Variants in C10orf105 observed in about 807,000 individuals in gnomAD.
The protein encoded by C10orf105 is uncharacterized protein C10orf105.
A neutral mutation model predicts 0.6 loss-of-function variants in C10orf105; 2 were observed. That is an observed-to-expected ratio of 3.18 (90% CI 1.30 to 10.01). The LOEUF is 10.01. C10orf105 is among the 30% of genes most tolerant of loss of function. The probability of loss-of-function intolerance (pLI) is 0.04; values close to 1 mark genes in which losing one functional copy is unlikely to be tolerated. For synonymous variants in C10orf105, 95 were observed against 82.4 expected (o/e 1.15, Z -0.83); for missense variants, 209 against 191.4 (o/e 1.09, Z -0.54).
chr10:71,732,488 C>G (rs1372817313), intron 1 of C10orf105: 2 of 1,453,938 alleles, frequency 1.4e-6, no homozygotes, highest in Non-Finnish European at 1.9e-6. Flanking sequence ...TTGAGATGGC[C>G]AAGTGTGGTG....
At chr10:71,729,770 G>T (rs1320901813) in intron 1 of C10orf105, among the ~76,000 whole-genome samples, 4 of 152,052 alleles carry the variant, frequency 2.6e-5, no homozygotes, top group African/African-American at 9.7e-5. Context: ...ACTTTTGCAG[G>T]CCCTGGCTCA....
intron 1 of C10orf105, among the ~76,000 whole-genome samples, chr10:71,728,556 G>A (rs935537189): frequency 3.3e-5 from 5 of 152,204 alleles, no homozygotes; most frequent in African/African-American, 1.2e-4. Context: ...CCCAGAGGCA[G>A]TGACCAGATG....
At chr10:71,729,386 T>C (rs567781682) in intron 1 of C10orf105, among the ~76,000 whole-genome samples, 2 of 152,090 alleles carry the variant, frequency 1.3e-5, no homozygotes, top group Non-Finnish European at 2.9e-5. Context: ...CAGCAAAGTG[T>C]CATGGAGGGA....
rs146278511 is a variant in C10orf105 at position 71,713,499 on chromosome 10, C to T, written c.*2437G>A. On this transcript the variant is annotated 3_prime_UTR_variant, in exon 2 of 2. Transcript: ENST00000441508. ...CTCCCGGGCTTGGGAGGGACAGAAG[C>T]GTGGGAGGCTGGCAATGCTCCCCTC... is the stretch of plus-strand genomic sequence containing the variant. 7.4e-5 allele frequency: 41 copies of T among 552,924 alleles called. No individual in the cohort carries two copies. The highest frequency in any genetic ancestry group is 6.4e-4 in the African/African-American group (34 of 52,766). 34.3% of individuals were successfully genotyped at this position (552,924 alleles called of 1,614,324 possible).
chr10:71,727,919 C>T (rs1400704670), intron 1 of C10orf105, among the ~76,000 whole-genome samples: 1 of 152,166 alleles, frequency 6.6e-6, no homozygotes, highest in Non-Finnish European at 1.5e-5. Flanking sequence ...CTTGCCTCCT[C>T]CTGTCTCTGC....
intron 1 of C10orf105, among the ~76,000 whole-genome samples, chr10:71,724,854 G>C (rs1866737015): frequency 6.6e-6 from 1 of 152,246 alleles, no homozygotes; most frequent in Non-Finnish European, 1.5e-5. Context: ...GTTATGGACT[G>C]ACAGTAGAGG....
chr10:71,730,535 C>A, intron 1 of C10orf105: 1 of 1,613,988 alleles, frequency 6.2e-7, no homozygotes, highest in Non-Finnish European at 8.5e-7. Flanking sequence ...GTACAGCCGT[C>A]TGGGGCTTCG....
chr10:71,728,542 T>C (rs1866916738), intron 1 of C10orf105, among the ~76,000 whole-genome samples: 1 of 152,236 alleles, frequency 6.6e-6, no homozygotes, highest in Admixed American at 6.5e-5. Flanking sequence ...AAAGCAGGGC[T>C]GATCCCAGAG....
intron 1 of C10orf105, among the ~76,000 whole-genome samples, chr10:71,725,154 C>T (rs1431122654): frequency 3.3e-5 from 5 of 152,202 alleles, no homozygotes; most frequent in Non-Finnish European, 7.3e-5. Flanking sequence ...CAGGCCTTCC[C>T]GGAGCAGGTG....
In C10orf105 at chr10:71,736,352, T is replaced by G. The variant is rs569165480; in HGVS notation, c.-6+1376A>C. 2.5e-4 allele frequency among the ~76,000 whole-genome samples: 38 copies of G among 152,238 alleles called. 1 individual carries two copies. In the South Asian group the frequency reaches 7.5e-3, roughly 30 times the overall value. On this transcript the variant is annotated intron_variant, in intron 1 of 1. Transcript: ENST00000398786. ...GGGGCCCTTTAAAGGTGGAAACATT[T>G]CCTCTGCTAGGCCGGAACCCAAACC...
In C10orf105 at chr10:71,716,279, AG is replaced by A; in HGVS notation, c.58del (p.Leu20SerfsTer37). On this transcript the variant is annotated frameshift_variant, in exon 2 of 2. Coordinates refer to ENST00000441508, the MANE Select transcript of C10orf105 (RefSeq NM_001164375.3). LOFTEE classifies it low-confidence loss of function (END_TRUNC). ...SSPAISPLAFLSAPVTPGTLA... is the reference protein window; with the variant it reads ...SSPAISPLAFXSAPVTPGTLA... ...GGTCCCGGGAGTGACGGGAGCTGAG[AG>A]AAAGGCGAGGGGGCTGATGGCTGGG... 1.3e-6 allele frequency: 2 copies of A among 1,531,736 alleles called. No homozygotes were observed. The highest frequency in any genetic ancestry group is 8.8e-7 in the Non-Finnish European group (1 of 1,135,174). 94.9% of individuals were successfully genotyped at this position (1,531,736 alleles called of 1,614,324 possible).
intron 1 of C10orf105, chr10:71,734,338 C>A: frequency 1.2e-6 from 2 of 1,606,092 alleles, no homozygotes; most frequent in Non-Finnish European, 1.7e-6. Context: ...TGGACTCCAC[C>A]GTGGTGAGTG....
intron 1 of C10orf105, among the ~76,000 whole-genome samples, chr10:71,729,278 A>G (rs544426173): frequency 6.9e-6 from 1 of 143,922 alleles, no homozygotes; most frequent in Non-Finnish European, 1.5e-5. Flanking sequence ...TGGGGGCCTC[A>G]GAAGCAAACC....
At chr10:71,737,657 C>A (rs1056302127) in intron 1 of C10orf105, 6 of 466,872 alleles carry the variant, frequency 1.3e-5, no homozygotes, top group African/African-American at 8.0e-5. Flanking sequence ...GGGAGAAGGC[C>A]TGTCCTGGGA....
intron 1 of C10orf105, among the ~76,000 whole-genome samples, chr10:71,736,844 T>C (rs1043000863): frequency 3.3e-5 from 5 of 152,142 alleles, no homozygotes; most frequent in African/African-American, 1.2e-4. Flanking sequence ...CAGCAGTAAA[T>C]GTATGCCCTG....
intron 1 of C10orf105, among the ~76,000 whole-genome samples, chr10:71,726,647 A>G (rs2132809406): frequency 6.6e-6 from 1 of 152,368 alleles, no homozygotes; most frequent in Admixed American, 6.5e-5. Flanking sequence ...GGACATGCAC[A>G]TAGCCATGCT....
chr10:71,731,934 G>A (rs1017233464), intron 1 of C10orf105: 29 of 1,562,856 alleles, frequency 1.9e-5, no homozygotes, highest in African/African-American at 4.0e-5. Flanking sequence ...AAGCCACAGC[G>A]CAGCCCCACT....
upstream of C10orf105, among the ~76,000 whole-genome samples, chr10:71,723,431 G>A (rs1415867405): frequency 6.6e-6 from 1 of 152,154 alleles, no homozygotes; most frequent in Non-Finnish European, 1.5e-5. Context: ...AAGCCCACCA[G>A]AGGAAACACA....
At chr10:71,716,424 A>AT in intron 1 of C10orf105, 82 bp from the exon 2 acceptor site, 1 of 1,149,830 alleles carries the variant, frequency 8.7e-7, no homozygotes, top group Non-Finnish European at 1.2e-6. Context: ...TACCTAGGGA[A>AT]TGTGGATGGG....
Sources: gnomAD v4.1 joint callset for allele counts (sites outside exome capture counted in the v4.1 genomes callset) on GRCh38, gnomAD v4.1.1 for gene constraint, MANE v1.5 for transcripts, NCBI Gene and HGNC (gene_info 2026-07-23, HGNC 2026-07-21) for gene names.